The following PSME4 variants were observed in gnomAD, a reference collection of about 807,000 sequenced individuals.
PSME4 encodes proteasome activator subunit 4.
Under a neutral mutation model 253.9 loss-of-function variants are expected in PSME4, and 89 were observed. That is an observed-to-expected ratio of 0.35 (90% CI 0.30 to 0.42). The LOEUF is 0.42. Among genes scored for constraint, PSME4 ranks in the 10% least tolerant of loss-of-function variants. The pLI, the probability that PSME4 is intolerant of heterozygous loss-of-function variation, is 1.00. For synonymous variants in PSME4, 851 were observed against 759.2 expected (o/e 1.12, Z -1.99); for missense variants, 2,014 against 2,195.2 (o/e 0.92, Z 1.65).
rs369732541 is a variant in PSME4, at chr2:53,900,978, T to TA, written c.3285+371dup. On this transcript the variant is annotated intron_variant, in intron 28 of 46. Coordinates refer to ENST00000404125, the MANE Select transcript of PSME4 (RefSeq NM_014614.3). ...ATCATTCAATTTTAGTTTTCTTCAC[T>TA]ATAAATTACGAACCCAGTAGTCGAT... 3.7e-4 allele frequency among the ~76,000 whole-genome samples: 57 copies of TA among 152,334 alleles called. No homozygotes were observed. The East Asian group carries it at 9.8e-3, about 26-fold the overall frequency.
At chr2:53,963,387 C>T (rs72799278) in intron 1 of PSME4, among the ~76,000 whole-genome samples, 2,445 of 152,218 alleles carry the variant, frequency 0.016, 26 homozygotes, top group South Asian at 0.051. Context: ...GGGCAGAAAA[C>T]TTGCGCTGAT....
At chr2:53,927,145 T>C (rs542010380) in intron 12 of PSME4, among the ~76,000 whole-genome samples, 38 of 152,256 alleles carry the variant, frequency 2.5e-4, no homozygotes, top group African/African-American at 8.9e-4. Flanking sequence ...CATTGAAAAG[T>C]GACATAAAAC....
chr2:53,893,962 T>G (rs1206803269), intron 34 of PSME4, among the ~76,000 whole-genome samples, 163 bp from the exon 35 acceptor site: 1 of 152,200 alleles, frequency 6.6e-6, no homozygotes. Flanking sequence ...TAAAACCAAG[T>G]ACCTCCCTCT....
intron 43 of PSME4, among the ~76,000 whole-genome samples, chr2:53,871,941 G>T (rs769511887): frequency 6.6e-6 from 1 of 152,120 alleles, no homozygotes; most frequent in Non-Finnish European, 1.5e-5. Flanking sequence ...TTCAACCCAG[G>T]GGGCAGAGGT....
intron 1 of PSME4, among the ~76,000 whole-genome samples, chr2:53,950,894 A>C (rs1669953777): frequency 6.6e-6 from 1 of 152,098 alleles, no homozygotes; most frequent in South Asian, 2.1e-4. Context: ...AAGAACAACA[A>C]ATCAGAGTAT....
intron 1 of PSME4, among the ~76,000 whole-genome samples, chr2:53,955,700 C>T (rs543621625): frequency 8.3e-4 from 127 of 152,216 alleles, no homozygotes; most frequent in Non-Finnish European, 1.7e-3. Context: ...GGCAAGCAGA[C>T]TGCTCGAGTC....
chr2:53,892,935 G>T lies in PSME4; in HGVS notation c.4064C>A (p.Ala1355Asp). Residue 1355 changes from alanine to aspartate, a missense_variant, in exon 36 of 47, where the codon GCC (alanine) becomes GAC (aspartate). This residue lies in a region of PSME4 where 989 missense variants were observed against 1,021.1 expected (regional missense o/e 0.97). Transcript: ENST00000404125. Reference sequence around the variant, plus strand: ...ATGGGGCTTCAGAACTGGCAGGAAGGCATCATCAAAATTCCTGAATATACC... The same window carrying T: ...ATGGGGCTTCAGAACTGGCAGGAAGTCATCATCAAAATTCCTGAATATACC... The part of the protein sequence containing the change: ...FKGIFRNFDD[A>D]FLPVLKPHLE... 1.2e-6 allele frequency: 2 copies of T among 1,613,118 alleles called. No homozygotes were observed. Among genetic ancestry groups the T allele is most frequent in the Non-Finnish European group, 1.7e-6 (2 of 1,179,652 alleles).
chr2:53,875,834 A>T (rs553188901), intron 41 of PSME4, 79 bp from the exon 42 acceptor site: 2 of 1,322,100 alleles, frequency 1.5e-6, no homozygotes, highest in Non-Finnish European at 2.1e-6. Context: ...GAGAGACAAC[A>T]CATCTTTAAT....
chr2:53,897,696 A>G (rs1300163078), intron 31 of PSME4, among the ~76,000 whole-genome samples, 174 bp downstream of exon 31: 1 of 152,194 alleles, frequency 6.6e-6, no homozygotes, highest in Non-Finnish European at 1.5e-5. Context: ...GTGCCTAAAC[A>G]TGTTCATTTG....
intron 18 of PSME4, among the ~76,000 whole-genome samples, 175 bp from the exon 19 acceptor site, chr2:53,920,525 G>A (rs183802218): frequency 2.6e-5 from 4 of 152,218 alleles, no homozygotes; most frequent in Non-Finnish European, 2.9e-5. Context: ...CTGCCTCTTC[G>A]TTATCACTCC....
chr2:53,922,612 G>T (rs758786327), intron 16 of PSME4, 28 bp from the exon 17 acceptor site: 3 of 1,601,800 alleles, frequency 1.9e-6, no homozygotes, highest in Non-Finnish European at 2.6e-6. Context: ...CTATTAGGGG[G>T]AAAAACCTAT....
At chr2:53,882,648 C>T (rs1019241258) in intron 41 of PSME4, among the ~76,000 whole-genome samples, 1 of 152,122 alleles carries the variant, frequency 6.6e-6, no homozygotes, top group African/African-American at 2.4e-5. Context: ...CAAAACTTCA[C>T]GCTGTTAATG....
intron 43 of PSME4, among the ~76,000 whole-genome samples, chr2:53,871,148 C>T (rs1678858053): frequency 6.6e-6 from 1 of 152,158 alleles, no homozygotes; most frequent in Non-Finnish European, 1.5e-5. Context: ...GAGGAAAACA[C>T]TAAATTAGGA....
intron 41 of PSME4, among the ~76,000 whole-genome samples, chr2:53,878,458 A>G (rs778267270): frequency 1.3e-5 from 2 of 152,274 alleles, no homozygotes; most frequent in East Asian, 3.8e-4. Context: ...AGCAATGTTC[A>G]GACAACAAAG....
intron 3 of PSME4, among the ~76,000 whole-genome samples, chr2:53,944,707 C>T (rs1458653248): frequency 6.6e-6 from 1 of 152,032 alleles, no homozygotes; most frequent in Non-Finnish European, 1.5e-5. Flanking sequence ...CTAAGCATGG[C>T]CACATGTGCC....
intron 1 of PSME4, among the ~76,000 whole-genome samples, chr2:53,967,679 A>AAAAAAC (rs1670808609): frequency 2.9e-5 from 4 of 140,018 alleles, no homozygotes; most frequent in African/African-American, 1.1e-4. Context: ...AAAAAAAAAA[A>AAAAAAC]GTCAAAAAGA....
At chr2:53,865,855 G>T in intron 46 of PSME4, 1 of 505,218 alleles carries the variant, frequency 2.0e-6, no homozygotes, top group Non-Finnish European at 3.5e-6. Context: ...ATCTACAAAG[G>T]TCCAAAAGCA....
intron 17 of PSME4, among the ~76,000 whole-genome samples, chr2:53,922,199 A>C (rs1051982681): frequency 6.6e-6 from 1 of 151,936 alleles, no homozygotes; most frequent in African/African-American, 2.4e-5. Flanking sequence ...AAAGAAAAGA[A>C]AACTGAAGTT....
intron 26 of PSME4, among the ~76,000 whole-genome samples, chr2:53,905,498 C>T (rs932330702): frequency 2.0e-5 from 3 of 151,948 alleles, no homozygotes; most frequent in Non-Finnish European, 2.9e-5. Context: ...CCCAGGAGTT[C>T]GAGGCCAGCC....
Sources: allele counts gnomAD v4.1 joint callset (sites outside exome capture counted in the v4.1 genomes callset), GRCh38; gene constraint gnomAD v4.1.1; regional missense constraint gnomAD v4.1.1; transcripts MANE v1.5; gene names NCBI Gene and HGNC (gene_info 2026-07-23, HGNC 2026-07-21).